Variants in C9orf85 observed in about 807,000 individuals in gnomAD.
The protein encoded by C9orf85 is chromosome 9 open reading frame 85, also known as uncharacterized protein C9orf85.
C9orf85 carries 16 observed loss-of-function variants against 14.9 expected under a neutral mutation model. The observed-to-expected ratio is 1.08, with a 90% CI of 0.73 to 1.63. The LOEUF is 1.63. C9orf85 is among the 40% of genes most tolerant of loss of function. The pLI, the probability that C9orf85 is intolerant of heterozygous loss-of-function variation, is 0.00. For missense variants in C9orf85, 172 were observed against 186.1 expected (o/e 0.92, Z 0.44); for synonymous variants, 45 against 56.8 (o/e 0.79, Z 0.93).
In C9orf85 at chr9:71,919,907, C is replaced by T. The variant is rs144340765; in HGVS notation, c.102+8071C>T. Among the ~76,000 whole-genome samples the T allele has an allele frequency of 1.2e-4, 18 of 149,430 alleles. No homozygotes were observed. In the East Asian group the frequency reaches 3.6e-3, roughly 30 times the overall value. On this transcript the variant is annotated intron_variant, in intron 1 of 3. Transcript: ENST00000334731. Reference sequence around the variant, plus strand: ...TCTCTGTCACCAGGCTGGAGTGCAGCGGTGCAATCTCGGCTCACTGCAATC... The same window carrying T: ...TCTCTGTCACCAGGCTGGAGTGCAGTGGTGCAATCTCGGCTCACTGCAATC...
intron 2 of C9orf85, among the ~76,000 whole-genome samples, chr9:71,962,535 C>T (rs1026598553): frequency 1.3e-5 from 2 of 152,144 alleles, no homozygotes; most frequent in African/African-American, 4.8e-5. Context: ...TCATCACATA[C>T]ATGAAAGTAC....
intron 2 of C9orf85, among the ~76,000 whole-genome samples, chr9:71,968,095 T>TAG (rs1278553423): frequency 4.7e-4 from 7 of 15,006 alleles, no homozygotes; most frequent in African/African-American, 1.2e-3. Flanking sequence ...TGCATATATA[T>TAG]ATATATAGAG....
At chr9:71,924,553 A>G (rs919892195) in intron 1 of C9orf85, among the ~76,000 whole-genome samples, 1 of 152,246 alleles carries the variant, frequency 6.6e-6, no homozygotes, top group African/African-American at 2.4e-5. Flanking sequence ...TACACTAATC[A>G]GACCCAGTTT....
chr9:71,955,045 T>G (rs1006697825), intron 2 of C9orf85, among the ~76,000 whole-genome samples: 2 of 152,200 alleles, frequency 1.3e-5, no homozygotes, highest in African/African-American at 4.8e-5. Context: ...AAGGGAAGAA[T>G]TTCTATACCC....
rs771314292 is a variant in C9orf85 at position 71,947,115 on chromosome 9, G to T, written c.209+3G>T. On this transcript the variant is annotated splice_donor_region_variant and intron_variant, in intron 2 of 3. Coordinates refer to ENST00000334731, the MANE Select transcript of C9orf85 (RefSeq NM_182505.5). Reference sequence around the variant, plus strand: ...CCATTATCAAAACCTAAAAAGTGGTGAGTTAAGATTCTTCATTACCTTACT... The same window carrying T: ...CCATTATCAAAACCTAAAAAGTGGTTAGTTAAGATTCTTCATTACCTTACT... 1 of 1,592,412 alleles carries T rather than the reference G, an allele frequency of 6.3e-7. No homozygotes were observed. The highest frequency in any genetic ancestry group is 1.1e-5 in the South Asian group (1 of 89,980).
chr9:71,945,603 A>G (rs900142844), intron 1 of C9orf85, among the ~76,000 whole-genome samples: 6 of 152,248 alleles, frequency 3.9e-5, no homozygotes, highest in Admixed American at 1.3e-4. Flanking sequence ...CAATATTTCT[A>G]AAATATTTTC....
At chr9:71,959,135 C>CTT (rs1035865814) in intron 2 of C9orf85, among the ~76,000 whole-genome samples, 2 of 145,152 alleles carry the variant, frequency 1.4e-5, no homozygotes, top group Non-Finnish European at 1.5e-5. Context: ...ACATTTTCTT[C>CTT]TTTTTTTTTT....
chr9:71,949,409 C>T (rs758209613), intron 2 of C9orf85, among the ~76,000 whole-genome samples: 1 of 152,050 alleles, frequency 6.6e-6, no homozygotes, highest in Non-Finnish European at 1.5e-5. Context: ...TTTCCAGATG[C>T]TATATTTTGC....
At chr9:71,948,866 T>G (rs959446784) in intron 2 of C9orf85, among the ~76,000 whole-genome samples, 4 of 151,460 alleles carry the variant, frequency 2.6e-5, no homozygotes, top group Non-Finnish European at 5.9e-5. Flanking sequence ...CTTTTAGTCT[T>G]TTCTTCCTCT....
At chr9:71,949,043 A>G (rs1445341392) in intron 2 of C9orf85, among the ~76,000 whole-genome samples, 1 of 152,260 alleles carries the variant, frequency 6.6e-6, no homozygotes, top group Non-Finnish European at 1.5e-5. Flanking sequence ...TGATTGCAAA[A>G]TAAATCATGT....
downstream of C9orf85, among the ~76,000 whole-genome samples, chr9:71,974,227 A>G (rs1181327749): frequency 7.2e-6 from 1 of 139,174 alleles, no homozygotes; most frequent in Non-Finnish European, 1.5e-5. Context: ...ATGCCAGGCC[A>G]TATTTTTTAT....
At chr9:71,917,064 A>G (rs1052523614) in intron 1 of C9orf85, among the ~76,000 whole-genome samples, 3 of 152,194 alleles carry the variant, frequency 2.0e-5, no homozygotes, top group African/African-American at 7.2e-5. Context: ...ATGCCTCTTC[A>G]TTGGTTGGAT....
intron 2 of C9orf85, among the ~76,000 whole-genome samples, chr9:71,954,120 A>AG (rs1822318204): frequency 6.6e-6 from 1 of 150,984 alleles, no homozygotes; most frequent in African/African-American, 2.4e-5. Flanking sequence ...CTTGGAAAAA[A>AG]AAAAAAAAAA....
At chr9:71,983,213 C>G (rs1823136700) in exon 4 of C9orf85, 1 of 152,474 alleles carries the variant, frequency 6.6e-6, no homozygotes, top group African/African-American at 2.4e-5. Context: ...CCAGGATGGT[C>G]TCCATCTACT....
chr9:71,973,948 CAG>C (rs1277718102), downstream of C9orf85, among the ~76,000 whole-genome samples: 6 of 149,994 alleles, frequency 4.0e-5, no homozygotes, highest in African/African-American at 1.2e-4. Context: ...TTTTCTGAGA[CAG>C]AGTTTCACTC....
chr9:71,976,530 C>T (rs1356642985), downstream of C9orf85, among the ~76,000 whole-genome samples: 5 of 151,994 alleles, frequency 3.3e-5, no homozygotes, highest in South Asian at 2.1e-4. Flanking sequence ...GGCGTGGTGG[C>T]GGGCGCCTGT....
rs368940800 is a variant in C9orf85 at position 71,923,584 on chromosome 9, G to T, written c.102+11748G>T. Among the ~76,000 whole-genome samples, 15 of 152,182 alleles carry T rather than the reference G, an allele frequency of 9.9e-5. 1 individual carries two copies. The highest frequency in any genetic ancestry group is 5.2e-4 in the Admixed American group (8 of 15,276). ...CGCCCAGCCCTTCCCTGCTTTTCTA[G>T]TTTGGAGCCTATGTTTCATCAGTGT... On this transcript the variant is annotated intron_variant, in intron 1 of 3. Transcript: ENST00000334731.
chr9:71,980,537 G>C (rs1823081185), intron 3 of C9orf85, among the ~76,000 whole-genome samples: 1 of 152,030 alleles, frequency 6.6e-6, no homozygotes, highest in Admixed American at 6.6e-5. Flanking sequence ...GGAAACATAA[G>C]ATAAAATGAT....
At chr9:71,942,283 A>C (rs1277991007) in intron 1 of C9orf85, among the ~76,000 whole-genome samples, 1 of 152,254 alleles carries the variant, frequency 6.6e-6, no homozygotes, top group African/African-American at 2.4e-5. Context: ...TTACTGTATC[A>C]CATGGTATAG....
Sources: gnomAD v4.1 joint callset for allele counts (sites outside exome capture counted in the v4.1 genomes callset) on GRCh38, gnomAD v4.1.1 for gene constraint, MANE v1.5 for transcripts, NCBI Gene and HGNC (gene_info 2026-07-23, HGNC 2026-07-21) for gene names.